Variants in WIPF3 observed in about 807,000 individuals in gnomAD.
WIPF3 encodes the protein WAS/WASL-interacting protein family member 3.
In WIPF3, 33 loss-of-function variants were observed where a neutral mutation model predicts 38.9. The observed-to-expected ratio is 0.85, with a 90% confidence interval of 0.64 to 1.14. The LOEUF (loss-of-function observed/expected upper bound fraction) is 1.14, where lower values mean the gene tolerates loss of function less well. Ranked by LOEUF, WIPF3 falls within the 50% of genes most tolerant of loss-of-function variation. WIPF3 has a pLI of 0.00. For synonymous variants in WIPF3, 324 were observed against 269.3 expected (o/e 1.20, Z -1.99); for missense variants, 711 against 652.5 (o/e 1.09, Z -0.98).
chr7:29,851,502 T>C (rs1237925169), intron 2 of WIPF3, among the ~76,000 whole-genome samples: 1 of 152,158 alleles, frequency 6.6e-6, no homozygotes, highest in Non-Finnish European at 1.5e-5. Flanking sequence ...TCCTCACCAT[T>C]GACTTACATT....
intron 4 of WIPF3, 105 bp downstream of exon 4, chr7:29,879,245 C>A: frequency 7.2e-7 from 1 of 1,385,272 alleles, no homozygotes; most frequent in Non-Finnish European, 9.9e-7. Flanking sequence ...TTTTACTGAA[C>A]GGGCATGATA....
At chr7:29,840,142 A>ACCAC in intron 2 of WIPF3, among the ~76,000 whole-genome samples, 1 of 152,080 alleles carries the variant, frequency 6.6e-6, no homozygotes, top group South Asian at 2.1e-4. Flanking sequence ...CCCACTACCC[A>ACCAC]CCACCCACCC....
intron 2 of WIPF3, among the ~76,000 whole-genome samples, chr7:29,857,875 C>T (rs1785211705): frequency 6.6e-6 from 1 of 152,198 alleles, no homozygotes; most frequent in African/African-American, 2.4e-5. Context: ...GCCTCTCCCA[C>T]TGTGCACATC....
At chr7:29,854,699 TGACTCGGTCGTA>T (rs1453953473) in intron 2 of WIPF3, among the ~76,000 whole-genome samples, 1 of 152,242 alleles carries the variant, frequency 6.6e-6, no homozygotes, top group Non-Finnish European at 1.5e-5. Context: ...CCGCAGCCTG[TGACTCGGTCGTA>T]GACTCAGCTT....
chr7:29,914,435 C>A, intron 8 of WIPF3, 58 bp from the exon 9 acceptor site: 1 of 1,375,160 alleles, frequency 7.3e-7, no homozygotes, highest in Admixed American at 2.6e-5. Flanking sequence ...AGGAGGAAGG[C>A]TTTCATGTGC....
chr7:29,836,080 A>G (rs75949038), intron 2 of WIPF3, among the ~76,000 whole-genome samples: 1,985 of 152,362 alleles, frequency 0.013, 47 homozygotes, highest in African/African-American at 0.046. Flanking sequence ...TTGCCCTGCA[A>G]GACAGTAGAA....
chr7:29,815,656 G>T (rs1340541720), intron 1 of WIPF3, among the ~76,000 whole-genome samples: 1 of 152,186 alleles, frequency 6.6e-6, no homozygotes, highest in Non-Finnish European at 1.5e-5. Context: ...GCATGCTTGT[G>T]TTCTCACAGT....
rs766645104 is a variant in WIPF3, at chr7:29,888,101, C to A, written c.1133C>A (p.Ala378Glu). ...GGGGGAAAGCTAAATCCACCTCCAG[C>A]ACCCCCTGCGAGATCACCTACCACA... ...AGGGKLNPPP[A>E]PPARSPTTEL... Residue 378 changes from alanine to glutamate, a missense_variant, in exon 6 of 9, where the codon GCA (alanine) becomes GAA (glutamate). Transcript: ENST00000242140. 3 of 1,614,006 alleles carry A rather than the reference C, an allele frequency of 1.9e-6. No individual in the cohort carries two copies. The highest frequency in any genetic ancestry group is 2.2e-5 in the South Asian group (2 of 91,060).
intron 2 of WIPF3, among the ~76,000 whole-genome samples, chr7:29,849,988 T>A (rs1785067147): frequency 6.6e-6 from 1 of 152,228 alleles, no homozygotes; most frequent in Non-Finnish European, 1.5e-5. Context: ...GAATTGCTTT[T>A]TGTCAGAGGG....
intron 2 of WIPF3, among the ~76,000 whole-genome samples, chr7:29,854,093 T>C (rs991419312): frequency 3.9e-5 from 6 of 152,222 alleles, no homozygotes; most frequent in African/African-American, 1.4e-4. Context: ...ATCAGCAGCA[T>C]GAATCAGTGA....
chr7:29,907,349 T>A (rs1786416943), intron 8 of WIPF3, among the ~76,000 whole-genome samples: 1 of 152,230 alleles, frequency 6.6e-6, no homozygotes, highest in Non-Finnish European at 1.5e-5. Context: ...TTTGTTCACA[T>A]CAACAACTAA....
intron 1 of WIPF3, among the ~76,000 whole-genome samples, chr7:29,818,041 T>A (rs893075689): frequency 6.6e-6 from 1 of 152,248 alleles, no homozygotes; most frequent in Non-Finnish European, 1.5e-5. Flanking sequence ...AAAGTTGCTA[T>A]TGTGAACACA....
chr7:29,807,560 C>T (rs140482585), intron 1 of WIPF3, among the ~76,000 whole-genome samples: 1 of 152,336 alleles, frequency 6.6e-6, no homozygotes, highest in Admixed American at 6.5e-5. Context: ...GGTGGCGTGC[C>T]AGCCGCGTGG....
At chr7:29,807,903 G>A (rs1784309230) in intron 1 of WIPF3, among the ~76,000 whole-genome samples, 1 of 152,182 alleles carries the variant, frequency 6.6e-6, no homozygotes. Flanking sequence ...AGGACTGGGA[G>A]TGCACTTCTT....
chr7:29,887,081 A>C (rs1408137142), intron 5 of WIPF3, among the ~76,000 whole-genome samples: 6 of 152,226 alleles, frequency 3.9e-5, no homozygotes, highest in South Asian at 2.1e-4. Context: ...ATGGCGGCTG[A>C]TGACTGAGAA....
intron 2 of WIPF3, among the ~76,000 whole-genome samples, chr7:29,835,241 G>A (rs1260503655): frequency 6.6e-6 from 1 of 152,088 alleles, no homozygotes; most frequent in East Asian, 1.9e-4. Context: ...TAGTGTAATA[G>A]GAAATGCCAC....
At chr7:29,904,116 C>A (rs1786343266) in intron 7 of WIPF3, among the ~76,000 whole-genome samples, 170 bp from the exon 8 acceptor site, 1 of 152,190 alleles carries the variant, frequency 6.6e-6, no homozygotes, top group Non-Finnish European at 1.5e-5. Flanking sequence ...GACTCTTCTG[C>A]ATCCATGGTC....
chr7:29,910,771 A>G (rs1371235598), intron 8 of WIPF3, among the ~76,000 whole-genome samples: 1 of 152,170 alleles, frequency 6.6e-6, no homozygotes, highest in African/African-American at 2.4e-5. Context: ...AAACTCCCTT[A>G]ACATAATAAA....
chr7:29,831,077 C>G (rs1235643004), intron 1 of WIPF3, among the ~76,000 whole-genome samples: 1 of 152,184 alleles, frequency 6.6e-6, no homozygotes, highest in Admixed American at 6.5e-5. Context: ...TGTTTCAGCT[C>G]TCATCCTATA....
Sources: gnomAD v4.1 joint callset for allele counts (sites outside exome capture counted in the v4.1 genomes callset) on GRCh38, gnomAD v4.1.1 for gene constraint, MANE v1.5 for transcripts, NCBI Gene and HGNC (gene_info 2026-07-23, HGNC 2026-07-21) for gene names.